Variants in ATAD2B observed in about 807,000 individuals in gnomAD.
ATAD2B encodes the protein ATPase family AAA domain-containing protein 2B.
In ATAD2B, 40 loss-of-function variants were observed where a neutral mutation model predicts 167.6. That is an observed-to-expected ratio of 0.24 (90% CI 0.19 to 0.31). The LOEUF is 0.31. Ranked by LOEUF, ATAD2B falls within the 10% of genes least tolerant of loss-of-function variation. ATAD2B has a pLI of 1.00. For synonymous variants in ATAD2B, 579 were observed against 596.5 expected (o/e 0.97, Z 0.43); for missense variants, 1,242 against 1,757.2 (o/e 0.71, Z 5.24).
chr2:23,810,097 T>G (rs1685314294), intron 18 of ATAD2B, among the ~76,000 whole-genome samples: 1 of 152,148 alleles, frequency 6.6e-6, no homozygotes, highest in South Asian at 2.1e-4. Flanking sequence ...AAAATTTCAG[T>G]AAGGAGGATC....
At chr2:23,802,605 C>T (rs568431118) in intron 18 of ATAD2B, among the ~76,000 whole-genome samples, 10 of 150,932 alleles carry the variant, frequency 6.6e-5, no homozygotes, top group African/African-American at 2.4e-4. Context: ...TGACACACTC[C>T]AGGTCAGGAT....
intron 13 of ATAD2B, among the ~76,000 whole-genome samples, chr2:23,841,727 G>A (rs991945000): frequency 6.6e-6 from 1 of 152,136 alleles, no homozygotes. Flanking sequence ...TGTTGCCCAG[G>A]CTGATCTCAA....
chr2:23,790,356 A>AT (rs1489813768), intron 19 of ATAD2B, among the ~76,000 whole-genome samples: 1 of 152,222 alleles, frequency 6.6e-6, no homozygotes, highest in Non-Finnish European at 1.5e-5. Context: ...GAAATCACTT[A>AT]TATCAATTGG....
chr2:23,727,199 A>G, the ATAD2B span, among the ~76,000 whole-genome samples: 1 of 152,216 alleles, frequency 6.6e-6, no homozygotes, highest in Non-Finnish European at 1.5e-5. Context: ...TGTATGTGAT[A>G]AAAAGACTGG....
At chr2:23,925,694 TTCAA>T (rs1371245868) in intron 1 of ATAD2B, among the ~76,000 whole-genome samples, 4 of 152,252 alleles carry the variant, frequency 2.6e-5, no homozygotes, top group Non-Finnish European at 4.4e-5. Flanking sequence ...TTCAAGATCT[TTCAA>T]TCAGTTTTTT....
chr2:23,790,116 T>A (rs1004384823), intron 19 of ATAD2B, among the ~76,000 whole-genome samples: 7 of 152,314 alleles, frequency 4.6e-5, no homozygotes, highest in Admixed American at 4.6e-4. Flanking sequence ...ATGGCCTTTC[T>A]TTGAAAGTTC....
At chr2:23,712,530 C>G in the ATAD2B span, among the ~76,000 whole-genome samples, 1 of 152,188 alleles carries the variant, frequency 6.6e-6, no homozygotes, top group African/African-American at 2.4e-5. Flanking sequence ...TGTGGAATCA[C>G]AGCCTCGGCC....
rs140789383 is a variant in ATAD2B at position 23,899,748 on chromosome 2, G to A, written c.217-3778C>T. Among the ~76,000 whole-genome samples, 78 of 151,880 alleles carry A rather than the reference G, an allele frequency of 5.1e-4. No individual in the cohort carries two copies. In the East Asian group the frequency reaches 0.014, roughly 28 times the overall value. ...TGAGACTACAGGCACATGCCACCAC[G>A]CCCAGCTAATTTTTGTATTTTTACT... On this transcript the variant is annotated intron_variant, in intron 1 of 27. Transcript: ENST00000238789.
At chr2:23,698,607 T>C in the ATAD2B span, among the ~76,000 whole-genome samples, 1 of 152,156 alleles carries the variant, frequency 6.6e-6, no homozygotes, top group Non-Finnish European at 1.5e-5. Context: ...TAGAGCAAGA[T>C]TATATAATTA....
chr2:23,792,962 C>CAAAAAA (rs36015161), intron 19 of ATAD2B, among the ~76,000 whole-genome samples: 517 of 42,528 alleles, frequency 0.012, 93 homozygotes, highest in African/African-American at 0.018. Flanking sequence ...GACTCTGTCT[C>CAAAAAA]AAAAAAAAAA....
chr2:23,804,554 CT>C (rs1372350400), intron 18 of ATAD2B, among the ~76,000 whole-genome samples: 1 of 151,896 alleles, frequency 6.6e-6, no homozygotes, highest in Non-Finnish European at 1.5e-5. Context: ...TGACACCTCT[CT>C]CCTTCCCACC....
At chr2:23,699,206 G>T in the ATAD2B span, among the ~76,000 whole-genome samples, 1 of 152,190 alleles carries the variant, frequency 6.6e-6, no homozygotes, top group Non-Finnish European at 1.5e-5. Flanking sequence ...TGGGCTCTGG[G>T]CTGTGACTGA....
chr2:23,707,631 C>G, the ATAD2B span: 1 of 152,168 alleles, frequency 6.6e-6, no homozygotes, highest in East Asian at 1.9e-4. Context: ...AGAAGGAGCC[C>G]GGTTCTGGCT....
chr2:23,683,058 C>T, the ATAD2B span, among the ~76,000 whole-genome samples: 313 of 152,370 alleles, frequency 2.1e-3, 1 homozygote, highest in African/African-American at 7.0e-3. Context: ...AAGCAGGATC[C>T]TCAATCCCCA....
At chr2:23,911,601 G>T (rs907518717) in intron 1 of ATAD2B, among the ~76,000 whole-genome samples, 1 of 151,862 alleles carries the variant, frequency 6.6e-6, no homozygotes, top group African/African-American at 2.4e-5. Context: ...AACAGAGGAA[G>T]GGGACGGGGA....
At chr2:23,709,542 C>T in the ATAD2B span, among the ~76,000 whole-genome samples, 1 of 151,778 alleles carries the variant, frequency 6.6e-6, no homozygotes, top group Non-Finnish European at 1.5e-5. Flanking sequence ...TTAGATTTCA[C>T]AGATTCGCAG....
intron 19 of ATAD2B, among the ~76,000 whole-genome samples, chr2:23,794,965 A>T (rs1682374541): frequency 6.6e-6 from 1 of 152,210 alleles, no homozygotes; most frequent in African/African-American, 2.4e-5. Context: ...AGAGAATGTC[A>T]AAGAAGTTCT....
the ATAD2B span, among the ~76,000 whole-genome samples, chr2:23,694,292 A>G: frequency 2.0e-5 from 3 of 152,060 alleles, no homozygotes; most frequent in African/African-American, 7.2e-5. Context: ...CACTTCTCCC[A>G]TAGCCATTTC....
chr2:23,711,342 C>CTTTTTTTTTTTTTTT, the ATAD2B span, among the ~76,000 whole-genome samples: 6 of 79,790 alleles, frequency 7.5e-5, 1 homozygote, highest in Admixed American at 1.5e-4. Flanking sequence ...GAATTTCTTT[C>CTTTTTTTTTTTTTTT]TTTTTTTTTT....
Sources: gnomAD v4.1 joint callset for allele counts (sites outside exome capture counted in the v4.1 genomes callset) on GRCh38, gnomAD v4.1.1 for gene constraint, MANE v1.5 for transcripts, NCBI Gene and HGNC (gene_info 2026-07-23, HGNC 2026-07-21) for gene names.